Variants in PRR5L observed in about 807,000 individuals in gnomAD.
PRR5L encodes the protein proline-rich protein 5-like.
PRR5L carries 21 observed loss-of-function variants against 36.4 expected under a neutral mutation model. The ratio of observed to expected loss-of-function variants is 0.58; its 90% CI spans 0.41 to 0.83. The LOEUF (loss-of-function observed/expected upper bound fraction) is 0.83, where lower values mean the gene tolerates loss of function less well. Among genes scored for constraint, PRR5L ranks in the 40% least tolerant of loss-of-function variants. The pLI is 0.00. For missense variants in PRR5L, 381 were observed against 473.3 expected (o/e 0.80, Z 1.81); for synonymous variants, 188 against 197.0 (o/e 0.95, Z 0.38).
intron 8 of PRR5L, 143 bp from the exon 9 acceptor site, chr11:36,462,199 C>G: frequency 2.8e-6 from 2 of 717,518 alleles, no homozygotes; most frequent in Non-Finnish European, 2.1e-6. Context: ...CACCAGATTC[C>G]TCCCTTGCAT....
chr11:36,312,427 A>G (rs565799704), intron 1 of PRR5L, among the ~76,000 whole-genome samples: 1 of 152,218 alleles, frequency 6.6e-6, no homozygotes, highest in Non-Finnish European at 1.5e-5. Context: ...TGTGCTGTCT[A>G]CATTTCACTC....
chr11:36,349,348 G>GT (rs1301103002), intron 1 of PRR5L, among the ~76,000 whole-genome samples: 1 of 104,306 alleles, frequency 9.6e-6, no homozygotes, highest in African/African-American at 4.0e-5. Context: ...CTAAATTAAA[G>GT]TTAAAAAAAA....
At chr11:36,432,540 G>C (rs1564947617) in intron 5 of PRR5L, among the ~76,000 whole-genome samples, 1 of 152,308 alleles carries the variant, frequency 6.6e-6, no homozygotes, top group East Asian at 1.9e-4. Flanking sequence ...TCCCACCAAA[G>C]TGGGGCTTGA....
chr11:36,409,061 C>T lies in PRR5L; in HGVS notation c.245+5683C>T, dbSNP rs551676032. Among the ~76,000 whole-genome samples the T allele has an allele frequency of 1.0e-3, 154 of 152,150 alleles. 5 individuals carry two copies. In the South Asian group the frequency reaches 0.028, roughly 28 times the overall value. On this transcript the variant is annotated intron_variant, in intron 3 of 8. Coordinates refer to ENST00000530639, the MANE Select transcript of PRR5L (RefSeq NM_001160167.2). ...AACTGGGCAGGTAGTTCTCAGGCAACGCTTTTAGAGGGGTGATGGTGGAAT... is the reference window on the plus strand; with the variant it reads ...AACTGGGCAGGTAGTTCTCAGGCAATGCTTTTAGAGGGGTGATGGTGGAAT...
chr11:36,395,988 C>T (rs1251983169), intron 1 of PRR5L: 1 of 152,176 alleles, frequency 6.6e-6, no homozygotes, highest in Non-Finnish European at 1.5e-5. Flanking sequence ...CCTCAGCCTC[C>T]CAAAGTGCTG....
chr11:36,310,610 A>G (rs1856490281), intron 1 of PRR5L, among the ~76,000 whole-genome samples: 1 of 152,238 alleles, frequency 6.6e-6, no homozygotes, highest in Non-Finnish European at 1.5e-5. Context: ...GGGGACTCCC[A>G]GAACCAGCAT....
intron 1 of PRR5L, among the ~76,000 whole-genome samples, chr11:36,340,042 G>A (rs1042674174): frequency 3.3e-5 from 5 of 152,286 alleles, no homozygotes; most frequent in Admixed American, 3.3e-4. Flanking sequence ...GCCATCCAGT[G>A]CACAGCTGTG....
chr11:36,429,749 G>A (rs1275583808), intron 4 of PRR5L, among the ~76,000 whole-genome samples: 1 of 152,180 alleles, frequency 6.6e-6, no homozygotes, highest in East Asian at 1.9e-4. Flanking sequence ...CCTGGACTAG[G>A]TGAAAGGGAC....
intron 1 of PRR5L, among the ~76,000 whole-genome samples, chr11:36,394,806 C>T (rs1225598225): frequency 6.6e-6 from 1 of 152,056 alleles, no homozygotes; most frequent in Non-Finnish European, 1.5e-5. Flanking sequence ...CATCTTTTGC[C>T]ATATAAGATA....
chr11:36,318,440 A>G (rs1856580127), intron 1 of PRR5L, among the ~76,000 whole-genome samples: 1 of 149,852 alleles, frequency 6.7e-6, no homozygotes, highest in African/African-American at 2.4e-5. Flanking sequence ...TTTCCTTCCA[A>G]CCCTGAAACT....
chr11:36,379,210 T>C (rs1363669647), intron 1 of PRR5L, among the ~76,000 whole-genome samples: 1 of 152,226 alleles, frequency 6.6e-6, no homozygotes, highest in African/African-American at 2.4e-5. Flanking sequence ...CTGTAGAAAA[T>C]TGAATTCAGT....
chr11:36,440,105 G>A (rs1207074739), intron 6 of PRR5L, among the ~76,000 whole-genome samples: 1 of 152,160 alleles, frequency 6.6e-6, no homozygotes, highest in Non-Finnish European at 1.5e-5. Flanking sequence ...TGGCAGGTTG[G>A]TATAAACCGG....
intron 3 of PRR5L, among the ~76,000 whole-genome samples, chr11:36,415,436 A>G (rs188328203): frequency 7.2e-5 from 11 of 152,346 alleles, no homozygotes; most frequent in African/African-American, 2.4e-4. Flanking sequence ...GCTTCTTTAC[A>G]TATGATTTTT....
intron 1 of PRR5L, among the ~76,000 whole-genome samples, chr11:36,302,982 C>G (rs1337822800): frequency 1.3e-5 from 2 of 152,124 alleles, no homozygotes; most frequent in Non-Finnish European, 2.9e-5. Context: ...GTGAAGTCAC[C>G]TGCTCAAGGT....
intron 7 of PRR5L, among the ~76,000 whole-genome samples, chr11:36,450,285 C>T (rs534764917): frequency 2.6e-5 from 4 of 152,172 alleles, no homozygotes; most frequent in African/African-American, 4.8e-5. Flanking sequence ...TACTCCATTT[C>T]GAGAATTTGC....
chr11:36,342,254 A>G (rs946030526), intron 1 of PRR5L, among the ~76,000 whole-genome samples: 1 of 152,220 alleles, frequency 6.6e-6, no homozygotes, highest in South Asian at 2.1e-4. Context: ...CCGTATTATT[A>G]TCACCATTAT....
chr11:36,447,672 A>G (rs571226580), intron 7 of PRR5L, among the ~76,000 whole-genome samples: 1 of 152,184 alleles, frequency 6.6e-6, no homozygotes, highest in South Asian at 2.1e-4. Flanking sequence ...TGGGGCCCCA[A>G]TCCTTCCCCC....
At chr11:36,349,535 C>G (rs1363610250) in intron 1 of PRR5L, among the ~76,000 whole-genome samples, 3 of 152,052 alleles carry the variant, frequency 2.0e-5, no homozygotes, top group Non-Finnish European at 4.4e-5. Context: ...GTCGATTGTT[C>G]ATGGGAAGGA....
intron 1 of PRR5L, among the ~76,000 whole-genome samples, chr11:36,348,921 G>A (rs180996954): frequency 3.3e-5 from 5 of 152,242 alleles, no homozygotes; most frequent in East Asian, 3.9e-4. Flanking sequence ...AGGGCCAAGC[G>A]GGGTATCAGG....
Sources: allele counts gnomAD v4.1 joint callset (sites outside exome capture counted in the v4.1 genomes callset), GRCh38; gene constraint gnomAD v4.1.1; transcripts MANE v1.5; gene names NCBI Gene and HGNC (gene_info 2026-07-23, HGNC 2026-07-21).